Variants in LRP6 observed in about 807,000 individuals in gnomAD.
The protein encoded by LRP6 is low-density lipoprotein receptor-related protein 6.
Under a neutral mutation model 184.1 loss-of-function variants are expected in LRP6, and 43 were observed. The observed-to-expected ratio is 0.23, with a 90% CI of 0.18 to 0.30. The LOEUF (loss-of-function observed/expected upper bound fraction) is 0.30, where lower values mean the gene tolerates loss of function less well. Ranked by LOEUF, LRP6 falls within the 10% of genes least tolerant of loss-of-function variation. The probability of loss-of-function intolerance (pLI) is 1.00; values close to 1 mark genes in which losing one functional copy is unlikely to be tolerated. For synonymous variants in LRP6, 719 were observed against 684.9 expected (o/e 1.05, Z -0.78); for missense variants, 1,571 against 2,005.3 (o/e 0.78, Z 4.14).
At chr12:12,159,564 A>G (rs1413624989) in intron 11 of LRP6, among the ~76,000 whole-genome samples, 1 of 152,218 alleles carries the variant, frequency 6.6e-6, no homozygotes, top group African/African-American at 2.4e-5. Context: ...AAATTTCATT[A>G]CAAGTCCAAT....
chr12:12,124,053 C>A (rs1949638471), intron 22 of LRP6, among the ~76,000 whole-genome samples: 1 of 151,420 alleles, frequency 6.6e-6, no homozygotes, highest in South Asian at 2.1e-4. Flanking sequence ...ATTATAAAAG[C>A]CAGCATTTGT....
chr12:12,152,843 C>T (rs1950100962), intron 12 of LRP6, among the ~76,000 whole-genome samples: 1 of 152,184 alleles, frequency 6.6e-6, no homozygotes, highest in Non-Finnish European at 1.5e-5. Flanking sequence ...TTTACATTTA[C>T]ACTCAAATGA....
intron 21 of LRP6, 142 bp downstream of exon 21, chr12:12,125,154 G>C: frequency 2.4e-6 from 2 of 840,434 alleles, no homozygotes; most frequent in Admixed American, 2.0e-5. Flanking sequence ...GTGGTGTGTG[G>C]TAAGTCCTTT....
chr12:12,130,783 A>G lies in LRP6; in HGVS notation c.4081T>C (p.Tyr1361His), dbSNP rs773769215. 1.9e-6 allele frequency: 3 copies of G among 1,596,196 alleles called. No individual in the cohort carries two copies. The highest frequency in any genetic ancestry group is 2.6e-6 in the Non-Finnish European group (3 of 1,163,794). Residue 1361 changes from tyrosine to histidine, a missense_variant and splice_region_variant, in exon 19 of 23, where the codon TAT (tyrosine) becomes CAT (histidine). Physicochemically the swap from Tyr to His is moderately conservative, Grantham distance 83. Around this residue, in one of 4 missense-constraint regions of LRP6, gnomAD observed 763 missense variants for 859.5 expected, o/e 0.89. Coordinates refer to ENST00000261349, the MANE Select transcript of LRP6 (RefSeq NM_002336.3). ...ATTTATAGATCTCAGTCCTACTTAC[A>G]ACAATCCAGTTCATCTGACTTGTCA... ...CSDKSDELDC[Y>H]PTEEPAPQAT...
At chr12:12,140,040 C>T (rs1490818668) in intron 15 of LRP6, among the ~76,000 whole-genome samples, 3 of 151,992 alleles carry the variant, frequency 2.0e-5, no homozygotes, top group African/African-American at 4.8e-5. Context: ...CAGCAATGTT[C>T]TCAGTATTTT....
chr12:12,130,529 T>C (rs1949736609), intron 19 of LRP6, among the ~76,000 whole-genome samples: 1 of 152,218 alleles, frequency 6.6e-6, no homozygotes, highest in African/African-American at 2.4e-5. Flanking sequence ...GTAACTTTGG[T>C]TATAGTAAAA....
At chr12:12,247,675 T>C (rs777110456) in intron 1 of LRP6, among the ~76,000 whole-genome samples, 10 of 152,216 alleles carry the variant, frequency 6.6e-5, no homozygotes, top group Admixed American at 1.3e-4. Context: ...CCAGTATCTG[T>C]TCAGCAACAT....
intron 8 of LRP6, among the ~76,000 whole-genome samples, chr12:12,164,819 A>G (rs1287785418): frequency 6.7e-6 from 1 of 148,554 alleles, no homozygotes; most frequent in Non-Finnish European, 1.5e-5. Context: ...ATCAGACTGA[A>G]TTCTTTTGAT....
At position 12,159,767 on chromosome 12, in the gene LRP6, T is replaced by C. The variant is rs1250892769; in HGVS notation, c.2464+13A>G. 1.2e-6 allele frequency: 2 copies of C among 1,613,248 alleles called. No individual in the cohort carries two copies. Among genetic ancestry groups the C allele is most frequent in the African/African-American group, 1.3e-5 (1 of 74,924 alleles). ...AAGAATATACTGTTTGAGTAAAAAG[T>C]AGTAAAGCTTACCAAGCATATTTGA... On this transcript the variant is annotated intron_variant, in intron 11 of 22. Transcript: ENST00000261349.
intron 15 of LRP6, among the ~76,000 whole-genome samples, chr12:12,145,657 G>A (rs1294356307): frequency 1.6e-5 from 2 of 121,472 alleles, no homozygotes; most frequent in South Asian, 2.5e-4. Context: ...AGACAGTCTC[G>A]TTCTCGTTCC....
In LRP6 at chr12:12,147,567, A is replaced by G. The variant is rs199920951; in HGVS notation, c.3207-11T>C. 6.2e-7 allele frequency: 1 copy of G among 1,608,672 alleles called. No homozygotes were observed. The highest frequency in any genetic ancestry group is 8.5e-7 in the Non-Finnish European group (1 of 1,175,298). ...GTAAAATACATATACCTAGAGGGAA[A>G]GGAGGAAAAAAATAAGTTACTGGAG... On this transcript the variant is annotated splice_polypyrimidine_tract_variant and intron_variant, in intron 14 of 22. Coordinates refer to ENST00000261349, the MANE Select transcript of LRP6 (RefSeq NM_002336.3).
Position 12,191,986 on chromosome 12 carries a change from A to G in LRP6, c.648-4867T>C, listed in dbSNP as rs550985563. ...TGAACCCTCAGGAAAAATGAAGAAT[A>G]CCAGAAATAGTAAATATGCAGGTTA... On this transcript the variant is annotated intron_variant, in intron 3 of 22. Transcript: ENST00000261349. 2.3e-3 allele frequency among the ~76,000 whole-genome samples: 351 copies of G among 152,234 alleles called. 1 individual carries two copies. The highest frequency in any genetic ancestry group is 8.2e-3 in the African/African-American group (340 of 41,574).
At chr12:12,266,554 C>A in intron 1 of LRP6, 127 bp downstream of exon 1, 1 of 833,124 alleles carries the variant, frequency 1.2e-6, no homozygotes, top group South Asian at 1.7e-5. Context: ...CCCCTCCCCA[C>A]GACCAGGCCT....
intron 1 of LRP6, among the ~76,000 whole-genome samples, chr12:12,248,127 G>A (rs954907751): frequency 3.3e-5 from 5 of 152,074 alleles, no homozygotes; most frequent in African/African-American, 1.2e-4. Context: ...AGTCTCAAAT[G>A]AGAAGATGGC....
At chr12:12,183,884 A>T (rs1863403091) in intron 5 of LRP6, 96 bp downstream of exon 5, 1 of 1,126,778 alleles carries the variant, frequency 8.9e-7, no homozygotes, top group Non-Finnish European at 1.3e-6. Context: ...CTGGTCTCCC[A>T]AAGCAGTATA....
chr12:12,255,086 T>A (rs1398131108), intron 1 of LRP6, among the ~76,000 whole-genome samples: 1 of 152,196 alleles, frequency 6.6e-6, no homozygotes, highest in African/African-American at 2.4e-5. Flanking sequence ...TCTCAATGAC[T>A]CTTATTCCAT....
chr12:12,194,207 C>T (rs1309984309), intron 3 of LRP6, among the ~76,000 whole-genome samples: 1 of 151,764 alleles, frequency 6.6e-6, no homozygotes, highest in African/African-American at 2.4e-5. Flanking sequence ...TGATAAAATC[C>T]CTTTATTAAA....
At chr12:12,156,261 A>G (rs1440900850) in intron 12 of LRP6, among the ~76,000 whole-genome samples, 1 of 152,234 alleles carries the variant, frequency 6.6e-6, no homozygotes, top group East Asian at 1.9e-4. Context: ...AAGGGTATCC[A>G]CGCAAATATA....
intron 1 of LRP6, among the ~76,000 whole-genome samples, chr12:12,246,390 C>G (rs1256466499): frequency 6.6e-6 from 1 of 151,666 alleles, no homozygotes; most frequent in African/African-American, 2.4e-5. Context: ...CATCTAGAGG[C>G]TGGAATGCAG....
Sources: gnomAD v4.1 joint callset for allele counts (sites outside exome capture counted in the v4.1 genomes callset) on GRCh38, gnomAD v4.1.1 for gene constraint, gnomAD v4.1.1 regional missense constraint, MANE v1.5 for transcripts, NCBI Gene and HGNC (gene_info 2026-07-23, HGNC 2026-07-21) for gene names.